The following RNF157 variants were observed in gnomAD, a reference collection of about 807,000 sequenced individuals.
RNF157 encodes the protein ring finger protein 157.
In RNF157, 55 loss-of-function variants were observed where a neutral mutation model predicts 88.3. The ratio of observed to expected loss-of-function variants is 0.62; its 90% CI spans 0.50 to 0.78. The LOEUF is 0.78. RNF157 is among the 30% of genes least tolerant of loss of function. The pLI, the probability that RNF157 is intolerant of heterozygous loss-of-function variation, is 0.00. For missense variants in RNF157, 788 were observed against 860.8 expected, an observed-to-expected ratio of 0.92 and a Z score of 1.06; for synonymous variants, 334 against 341.2, an observed-to-expected ratio of 0.98 and a Z score of 0.23.
intron 2 of RNF157, among the ~76,000 whole-genome samples, chr17:76,193,996 A>C (rs1256046864): frequency 6.6e-6 from 1 of 152,178 alleles, no homozygotes; most frequent in Non-Finnish European, 1.5e-5. Flanking sequence ...CATGGGAACC[A>C]GGCCACAGAG....
intron 2 of RNF157, among the ~76,000 whole-genome samples, chr17:76,203,860 C>G (rs142086697): frequency 1.3e-5 from 2 of 150,936 alleles, no homozygotes; most frequent in East Asian, 2.0e-4. Context: ...CTCCGCCACC[C>G]GGGTTCACGC....
At chr17:76,224,551 C>G (rs2070044027) in intron 1 of RNF157, among the ~76,000 whole-genome samples, 1 of 151,982 alleles carries the variant, frequency 6.6e-6, no homozygotes, top group African/African-American at 2.4e-5. Flanking sequence ...TCTAAATATT[C>G]AGCTCAATTC....
chr17:76,150,966 C>T (rs2068665787), intron 18 of RNF157, among the ~76,000 whole-genome samples: 1 of 152,192 alleles, frequency 6.6e-6, no homozygotes, highest in African/African-American at 2.4e-5. Flanking sequence ...ATAAACAAAC[C>T]AGACAGACAG....
At chr17:76,164,230 C>T (rs958356264) in intron 8 of RNF157, 1 of 152,284 alleles carries the variant, frequency 6.6e-6, no homozygotes, top group African/African-American at 2.4e-5. Flanking sequence ...CTGGGACTTT[C>T]TAGCAGACAT....
chr17:76,224,043 T>C (rs1344210711), intron 1 of RNF157, among the ~76,000 whole-genome samples: 1 of 152,188 alleles, frequency 6.6e-6, no homozygotes, highest in Non-Finnish European at 1.5e-5. Flanking sequence ...CTCAGGGCAA[T>C]GCAAAGGGAA....
chr17:76,143,604 T>C lies in RNF157; in HGVS notation c.*1631A>G, dbSNP rs913160864. The C allele has an allele frequency of 6.6e-6, 1 of 151,992 alleles. No homozygotes were observed. Among genetic ancestry groups the C allele is most frequent in the East Asian group, 1.9e-4 (1 of 5,178 alleles). The allele number at this position is 151,992 out of a possible 1,614,324, so 9.4% of individuals were successfully genotyped here. A position where few individuals can be genotyped will look rare whatever the true frequency, so the allele number is the denominator to read the frequency against. On this transcript the variant is annotated 3_prime_UTR_variant, in exon 19 of 19. Transcript: ENST00000269391. Reference sequence around the variant, plus strand: ...GTCTACTGCAGTTTTTCAGAGAGGGTTGGACGACAGGCCCCCCTCTCCATC... The same window carrying C: ...GTCTACTGCAGTTTTTCAGAGAGGGCTGGACGACAGGCCCCCCTCTCCATC...
At chr17:76,234,710 T>A (rs1216688655) in intron 1 of RNF157, among the ~76,000 whole-genome samples, 1 of 152,190 alleles carries the variant, frequency 6.6e-6, no homozygotes, top group Admixed American at 6.5e-5. Flanking sequence ...TTTAATTGGG[T>A]TGTCTTTTTA....
chr17:76,161,663 C>G lies in RNF157; in HGVS notation c.953-16G>C, dbSNP rs1568029837. Reference sequence around the variant, plus strand: ...GCCCGGAAGGCTGTGAAGGAGAAAACAGGCAATCAGGACATCCTGATACAG... The same window carrying G: ...GCCCGGAAGGCTGTGAAGGAGAAAAGAGGCAATCAGGACATCCTGATACAG... On this transcript the variant is annotated splice_polypyrimidine_tract_variant and intron_variant, in intron 10 of 18. Transcript: ENST00000269391. This position sits in a 1 kb window ranked among gnomAD's most constrained non-coding sequence, Gnocchi z 4.6. The G allele has an allele frequency of 6.2e-7, 1 of 1,604,432 alleles. No individual in the cohort carries two copies. Among genetic ancestry groups the G allele is most frequent in the Non-Finnish European group, 8.5e-7 (1 of 1,172,036 alleles).
intron 1 of RNF157, among the ~76,000 whole-genome samples, chr17:76,235,329 T>C (rs1034391332): frequency 6.6e-6 from 1 of 151,998 alleles, no homozygotes; most frequent in African/African-American, 2.4e-5. Flanking sequence ...TCCCGAGTAG[T>C]TGGGACTACA....
At position 76,195,426 on chromosome 17, in the gene RNF157, G is replaced by A. The variant is rs1280193010; in HGVS notation, c.207+16938C>T. Among the ~76,000 whole-genome samples the A allele has an allele frequency of 2.6e-5, 4 of 152,160 alleles. No homozygotes were observed. In the East Asian group the frequency reaches 7.7e-4, roughly 29 times the overall value. ...CTAGGTGCTGGACATTCTAAACACT[G>A]CTAGTGGGAAAAAAAAATTGGTAGA... On this transcript the variant is annotated intron_variant, in intron 2 of 18. Transcript: ENST00000269391. This position sits in a 1 kb window ranked among gnomAD's most constrained non-coding sequence, Gnocchi z 4.4.
chr17:76,229,494 T>C (rs2070151548), intron 1 of RNF157, among the ~76,000 whole-genome samples: 1 of 152,250 alleles, frequency 6.6e-6, no homozygotes, highest in Admixed American at 6.5e-5. Context: ...CTGATAAATT[T>C]TGGCTTCTCC....
At chr17:76,225,131 T>C (rs1375827582) in intron 1 of RNF157, among the ~76,000 whole-genome samples, 1 of 151,862 alleles carries the variant, frequency 6.6e-6, no homozygotes, top group Non-Finnish European at 1.5e-5. Flanking sequence ...AAGATTGCAC[T>C]ACTGCACTCC....
chr17:76,217,917 A>C (rs1055807923), intron 1 of RNF157, among the ~76,000 whole-genome samples: 1 of 152,238 alleles, frequency 6.6e-6, no homozygotes, highest in Non-Finnish European at 1.5e-5. Flanking sequence ...GTAAGGTATG[A>C]GTGGGAAGGA....
In RNF157 at chr17:76,240,031, T is replaced by G; in HGVS notation, c.88+122A>C. The G allele has an allele frequency of 2.5e-6, 1 of 401,744 alleles. No individual in the cohort carries two copies. The highest frequency in any genetic ancestry group is 3.9e-6 in the Non-Finnish European group (1 of 256,728). 24.9% of individuals were successfully genotyped at this position (401,744 alleles called of 1,614,324 possible). Reference sequence around the variant, plus strand: ...AAGACCTCCCGCGCTCGAAGACCGTTTCGGAGCGTCCGCAACCACTGAGTC... The same window carrying G: ...AAGACCTCCCGCGCTCGAAGACCGTGTCGGAGCGTCCGCAACCACTGAGTC... On this transcript the variant is annotated intron_variant, in intron 1 of 18. Coordinates refer to ENST00000269391, the MANE Select transcript of RNF157 (RefSeq NM_052916.3). The surrounding 1 kb of genome is among the most constrained non-coding windows in gnomAD (Gnocchi z 4.4).
intron 3 of RNF157, among the ~76,000 whole-genome samples, chr17:76,172,319 C>T (rs754352695): frequency 1.3e-5 from 2 of 151,624 alleles, no homozygotes; most frequent in Non-Finnish European, 2.9e-5. Context: ...GGGCCAGGTG[C>T]GGTGGCTCAC....
In RNF157 at chr17:76,143,585, T is replaced by G. The variant is rs1420014320; in HGVS notation, c.*1650A>C. ...TGGGGCCTGAAATGGTAAAGTCTAC[T>G]GCAGTTTTTCAGAGAGGGTTGGACG... On this transcript the variant is annotated 3_prime_UTR_variant, in exon 19 of 19. Coordinates refer to ENST00000269391, the MANE Select transcript of RNF157 (RefSeq NM_052916.3). 1 of 152,180 alleles carries G rather than the reference T, an allele frequency of 6.6e-6. No individual in the cohort carries two copies. The highest frequency in any genetic ancestry group is 2.1e-4 in the South Asian group (1 of 4,828). The allele number at this position is 152,180 out of a possible 1,614,324, so 9.4% of individuals were successfully genotyped here.
intron 1 of RNF157, among the ~76,000 whole-genome samples, chr17:76,221,415 T>C (rs1029846956): frequency 2.6e-5 from 4 of 151,996 alleles, no homozygotes; most frequent in African/African-American, 7.3e-5. Flanking sequence ...AGAACATGAT[T>C]AATGAGAGTT....
intron 2 of RNF157, among the ~76,000 whole-genome samples, chr17:76,193,140 A>C (rs1598418887): frequency 6.6e-6 from 1 of 152,094 alleles, no homozygotes; most frequent in Non-Finnish European, 1.5e-5. Flanking sequence ...CATACACAAG[A>C]CTTTGGGCAA....
rs2069465073 is a variant in RNF157 at position 76,195,598 on chromosome 17, T to C, written c.207+16766A>G. 6.6e-6 allele frequency among the ~76,000 whole-genome samples: 1 copy of C among 152,204 alleles called. No homozygotes were observed. Among genetic ancestry groups the C allele is most frequent in the Non-Finnish European group, 1.5e-5 (1 of 68,024 alleles). On this transcript the variant is annotated intron_variant, in intron 2 of 18. Transcript: ENST00000269391. The surrounding 1 kb of genome is among the most constrained non-coding windows in gnomAD (Gnocchi z 4.4). ...ACGTTCATAGCAGCACTATGTGTAATAGCCAAAATGCCCCAAAAAAGCTCA... is the reference window on the plus strand; with the variant it reads ...ACGTTCATAGCAGCACTATGTGTAACAGCCAAAATGCCCCAAAAAAGCTCA...
Sources: gnomAD v4.1 joint callset for allele counts (sites outside exome capture counted in the v4.1 genomes callset) on GRCh38, gnomAD v4.1.1 for gene constraint, Gnocchi (gnomAD v3.1) non-coding constraint, MANE v1.5 for transcripts, NCBI Gene and HGNC (gene_info 2026-07-23, HGNC 2026-07-21) for gene names.